The following RNF150 variants were observed in gnomAD, a reference collection of about 807,000 sequenced individuals.
RNF150 encodes ring finger protein 150.
A neutral mutation model predicts 39.3 loss-of-function variants in RNF150; 24 were observed. The observed-to-expected ratio is 0.61, with a 90% CI of 0.44 to 0.86. The LOEUF is 0.86. RNF150 is among the 40% of genes least tolerant of loss of function. RNF150 has a pLI of 0.00. For missense variants in RNF150, 502 were observed against 587.8 expected (o/e 0.85, Z 1.51); for synonymous variants, 255 against 227.3 (o/e 1.12, Z -1.10).
chr4:141,193,926 C>A (rs1728157001), intron 1 of RNF150, among the ~76,000 whole-genome samples: 1 of 152,154 alleles, frequency 6.6e-6, no homozygotes, highest in African/African-American at 2.4e-5. Flanking sequence ...TAATTTTGTT[C>A]TTAAATAAAT....
At chr4:141,165,417 G>C (rs925254875) in intron 1 of RNF150, among the ~76,000 whole-genome samples, 1 of 152,102 alleles carries the variant, frequency 6.6e-6, no homozygotes, top group African/African-American at 2.4e-5. Flanking sequence ...AGGATATTCA[G>C]GACTTGAACT....
intron 6 of RNF150, among the ~76,000 whole-genome samples, chr4:140,895,690 T>C (rs1729917641): frequency 6.6e-6 from 1 of 152,208 alleles, no homozygotes; most frequent in Non-Finnish European, 1.5e-5. Flanking sequence ...AACTATGAAA[T>C]GTAGCCTTGT....
At chr4:140,966,030 T>C (rs949200649) in intron 2 of RNF150, among the ~76,000 whole-genome samples, 1 of 152,048 alleles carries the variant, frequency 6.6e-6, no homozygotes, top group Admixed American at 6.6e-5. Flanking sequence ...CAATAAAATT[T>C]ATTTTTTTAA....
chr4:141,185,943 T>C (rs1451696075), intron 1 of RNF150, among the ~76,000 whole-genome samples: 3 of 152,374 alleles, frequency 2.0e-5, no homozygotes, highest in African/African-American at 7.2e-5. Context: ...CAGTATTTTA[T>C]TGAGGATTTT....
intron 1 of RNF150, among the ~76,000 whole-genome samples, chr4:141,203,793 A>G (rs766122037): frequency 2.7e-5 from 4 of 149,176 alleles, no homozygotes; most frequent in South Asian, 4.4e-4. Flanking sequence ...CAGCAGCAAC[A>G]GCATCTAGTC....
intron 4 of RNF150, among the ~76,000 whole-genome samples, chr4:140,945,174 A>G (rs1732236053): frequency 6.6e-6 from 1 of 152,220 alleles, no homozygotes; most frequent in African/African-American, 2.4e-5. Context: ...GGAATGAGCT[A>G]AGAATCAAAT....
chr4:141,148,808 A>G (rs887731464), intron 1 of RNF150, among the ~76,000 whole-genome samples: 2 of 152,098 alleles, frequency 1.3e-5, no homozygotes, highest in African/African-American at 4.8e-5. Context: ...TGTCTAATCC[A>G]TTCCATTTTC....
rs183692476 is a variant in RNF150, at chr4:141,191,982, C to T, written c.-6+20812G>A. Among the ~76,000 whole-genome samples the T allele has an allele frequency of 2.6e-5, 4 of 152,276 alleles. No homozygotes were observed. In the East Asian group the frequency reaches 7.7e-4, roughly 29 times the overall value. ...CCCTGCTTCCACCTGCTCCTAATTCCCATCCTCAGATTCCTATGAATCAGA... is the reference window on the plus strand; with the variant it reads ...CCCTGCTTCCACCTGCTCCTAATTCTCATCCTCAGATTCCTATGAATCAGA... On this transcript the variant is annotated intron_variant, in intron 1 of 7. Coordinates refer to the RNF150 transcript ENST00000420921.
intron 1 of RNF150, among the ~76,000 whole-genome samples, chr4:141,170,720 G>A (rs965958934): frequency 2.0e-5 from 3 of 152,092 alleles, no homozygotes; most frequent in Non-Finnish European, 4.4e-5. Context: ...TCTCATTTTG[G>A]AAATGACCAC....
intron 2 of RNF150, among the ~76,000 whole-genome samples, chr4:140,962,248 G>A (rs1733067780): frequency 6.6e-6 from 1 of 151,578 alleles, no homozygotes; most frequent in Admixed American, 6.6e-5. Flanking sequence ...CTAGAGCTGT[G>A]GTCACTAGCT....
Position 141,039,363 on chromosome 4 carries a change from A to G in RNF150, c.485-71490T>C, listed in dbSNP as rs574607827. On this transcript the variant is annotated intron_variant, in intron 1 of 6. Coordinates refer to ENST00000515673, the MANE Select transcript of RNF150 (RefSeq NM_020724.2). ...AGGTGGTAGAGAAAGAAAGGGGAGG[A>G]AGGAGGTAGAGAAAGAAAGGGGAGG... 4.8e-4 allele frequency among the ~76,000 whole-genome samples: 72 copies of G among 150,712 alleles called. 2 individuals are homozygous for G. In the South Asian group the frequency reaches 0.014, roughly 29 times the overall value.
chr4:140,998,943 T>C (rs909674334), intron 1 of RNF150, among the ~76,000 whole-genome samples: 8 of 152,210 alleles, frequency 5.3e-5, no homozygotes, highest in Non-Finnish European at 2.9e-5. Flanking sequence ...GCCTGTAACC[T>C]AGGAGTTCCC....
intron 2 of RNF150, among the ~76,000 whole-genome samples, chr4:140,957,365 C>T (rs2111395358): frequency 6.6e-6 from 1 of 152,030 alleles, no homozygotes; most frequent in Middle Eastern, 3.4e-3. Context: ...CATCTCACAC[C>T]AGTTAGAATG....
intron 1 of RNF150, among the ~76,000 whole-genome samples, chr4:141,019,705 T>C (rs2110780420): frequency 6.6e-6 from 1 of 152,324 alleles, no homozygotes; most frequent in Middle Eastern, 3.4e-3. Flanking sequence ...ATATCTCTTT[T>C]ATGTGCCTTT....
chr4:141,030,136 G>A (rs895165985), intron 1 of RNF150, among the ~76,000 whole-genome samples: 1 of 151,956 alleles, frequency 6.6e-6, no homozygotes, highest in Non-Finnish European at 1.5e-5. Flanking sequence ...AGAGCTTGCA[G>A]TGAGCCAAGA....
At chr4:140,988,501 T>C (rs1734085109) in intron 1 of RNF150, among the ~76,000 whole-genome samples, 2 of 152,052 alleles carry the variant, frequency 1.3e-5, no homozygotes. Context: ...ATATATATTT[T>C]ATTATACTTT....
chr4:140,864,906 T>G lies in RNF150; in HGVS notation c.*3355A>C, dbSNP rs1578909953. ...GTTCAAGCAGAAATTTTAAAAAGGG[T>G]GCCTGAATCTTTATTCACTACAAAA... On this transcript the variant is annotated 3_prime_UTR_variant, in exon 7 of 7. Coordinates refer to ENST00000515673, the MANE Select transcript of RNF150 (RefSeq NM_020724.2). 1 of 152,154 alleles carries G rather than the reference T, an allele frequency of 6.6e-6. No homozygotes were observed. The highest frequency in any genetic ancestry group is 1.9e-4 in the East Asian group (1 of 5,184). The allele number at this position is 152,154 out of a possible 1,614,324, so 9.4% of individuals were successfully genotyped here.
chr4:141,205,347 G>A (rs1043485780), intron 1 of RNF150, among the ~76,000 whole-genome samples: 1 of 152,070 alleles, frequency 6.6e-6, no homozygotes, highest in African/African-American at 2.4e-5. Flanking sequence ...ATTCTTTCAG[G>A]CTATTATAAA....
intron 1 of RNF150, among the ~76,000 whole-genome samples, chr4:141,162,925 T>C (rs1727539932): frequency 6.6e-6 from 1 of 152,170 alleles, no homozygotes; most frequent in African/African-American, 2.4e-5. Flanking sequence ...TTTCGTACCC[T>C]AGTGGCATCT....
Sources: allele counts gnomAD v4.1 joint callset (sites outside exome capture counted in the v4.1 genomes callset), GRCh38; gene constraint gnomAD v4.1.1; transcripts MANE v1.5; gene names NCBI Gene and HGNC (gene_info 2026-07-23, HGNC 2026-07-21).